The following FILIP1L variants were observed in gnomAD, a reference collection of about 807,000 sequenced individuals.
FILIP1L encodes the protein filamin A-interacting protein 1-like.
FILIP1L carries 55 observed loss-of-function variants against 96.6 expected under a neutral mutation model. That is an observed-to-expected ratio of 0.57 (90% CI 0.46 to 0.71). The LOEUF is 0.71. FILIP1L is among the 30% of genes least tolerant of loss of function. The pLI is 0.00. For synonymous variants in FILIP1L, 467 were observed against 473.9 expected, an observed-to-expected ratio of 0.99 and a Z score of 0.19; for missense variants, 1,304 against 1,321.2, an observed-to-expected ratio of 0.99 and a Z score of 0.20.
In FILIP1L at chr3:99,971,877, A is replaced by G. The variant is rs141448231; in HGVS notation, c.-10-40847T>C. On this transcript the variant is annotated intron_variant, in intron 1 of 5. Transcript: ENST00000477258. ...ATATAGATCATTCTAAAAAGCACCTATATACTCTTTTGGTAGGATTTGGTA... is the reference window on the plus strand; with the variant it reads ...ATATAGATCATTCTAAAAAGCACCTGTATACTCTTTTGGTAGGATTTGGTA... 2.7e-4 allele frequency among the ~76,000 whole-genome samples: 41 copies of G among 152,314 alleles called. 1 individual carries two copies. The East Asian group carries it at 5.2e-3, about 19-fold the overall frequency.
At chr3:100,014,353 T>C (rs1710256359) in intron 1 of FILIP1L, among the ~76,000 whole-genome samples, 1 of 152,160 alleles carries the variant, frequency 6.6e-6, no homozygotes, top group Non-Finnish European at 1.5e-5. Context: ...TTTGGCTATA[T>C]ACCCAAAAAT....
intron 4 of FILIP1L, among the ~76,000 whole-genome samples, chr3:99,881,408 A>G (rs1047454340): frequency 6.6e-6 from 1 of 152,218 alleles, no homozygotes; most frequent in Non-Finnish European, 1.5e-5. Flanking sequence ...AATCACAGAA[A>G]TTAGAGACGG....
chr3:100,070,072 G>A (rs955579132), intron 1 of FILIP1L, among the ~76,000 whole-genome samples: 34 of 152,136 alleles, frequency 2.2e-4, no homozygotes, highest in Non-Finnish European at 4.4e-5. Flanking sequence ...ATGTACACAT[G>A]GCACTGTCAT....
chr3:100,091,983 A>G (rs1174253863), intron 1 of FILIP1L, among the ~76,000 whole-genome samples: 2 of 152,230 alleles, frequency 1.3e-5, no homozygotes, highest in African/African-American at 4.8e-5. Context: ...TATCTGTCCT[A>G]GGGCAAGTTG....
intron 1 of FILIP1L, among the ~76,000 whole-genome samples, chr3:100,000,980 C>G (rs578018120): frequency 6.6e-6 from 1 of 152,134 alleles, no homozygotes; most frequent in African/African-American, 2.4e-5. Context: ...TATAAGATAA[C>G]CTAGTTACTG....
At chr3:100,064,415 A>G (rs1030417779) in intron 1 of FILIP1L, among the ~76,000 whole-genome samples, 3 of 150,486 alleles carry the variant, frequency 2.0e-5, no homozygotes, top group Admixed American at 1.3e-4. Context: ...TTTTTTCAAC[A>G]TTAAAGCCAC....
chr3:100,007,353 A>G (rs190654739), intron 1 of FILIP1L, among the ~76,000 whole-genome samples: 79 of 152,260 alleles, frequency 5.2e-4, no homozygotes, highest in Middle Eastern at 3.4e-3. Context: ...AGCTTTGATG[A>G]TGTGTCTGCC....
intron 4 of FILIP1L, among the ~76,000 whole-genome samples, chr3:99,917,250 A>G (rs964138177): frequency 1.3e-5 from 2 of 152,182 alleles, no homozygotes; most frequent in African/African-American, 4.8e-5. Context: ...CAGTGTTGCA[A>G]CAGTGGTGTC....
intron 1 of FILIP1L, among the ~76,000 whole-genome samples, chr3:100,024,172 T>TAAC (rs762088538): frequency 6.6e-6 from 1 of 152,158 alleles, no homozygotes; most frequent in Non-Finnish European, 1.5e-5. Flanking sequence ...TGGTTGTAAA[T>TAAC]AACAGCCATG....
chr3:99,950,405 TTAAG>T (rs907531617), intron 1 of FILIP1L, among the ~76,000 whole-genome samples: 3 of 152,176 alleles, frequency 2.0e-5, no homozygotes, highest in African/African-American at 7.2e-5. Flanking sequence ...CTTAGAAAAG[TTAAG>T]TAAGTTGCCC....
chr3:99,957,446 A>ATG (rs1165463181), intron 1 of FILIP1L, among the ~76,000 whole-genome samples: 3 of 152,144 alleles, frequency 2.0e-5, no homozygotes, highest in Non-Finnish European at 4.4e-5. Flanking sequence ...ATCTACACAT[A>ATG]TGTGTGTATA....
chr3:100,097,014 G>A (rs1300143207), intron 1 of FILIP1L, among the ~76,000 whole-genome samples: 24 of 152,146 alleles, frequency 1.6e-4, no homozygotes. Flanking sequence ...ATACCACTCT[G>A]TGGCCTGTTA....
At chr3:99,901,097 C>T (rs1316921670) in intron 4 of FILIP1L, among the ~76,000 whole-genome samples, 3 of 152,200 alleles carry the variant, frequency 2.0e-5, no homozygotes, top group Non-Finnish European at 4.4e-5. Flanking sequence ...AAACTGTATA[C>T]AACATTCTTT....
chr3:99,841,367 G>C (rs1208623076), intron 5 of FILIP1L, among the ~76,000 whole-genome samples: 1 of 152,196 alleles, frequency 6.6e-6, no homozygotes, highest in Admixed American at 6.5e-5. Flanking sequence ...GAAAAATAAT[G>C]TAGATAACCA....
At chr3:100,001,195 C>T (rs1197114292) in intron 1 of FILIP1L, among the ~76,000 whole-genome samples, 2 of 152,172 alleles carry the variant, frequency 1.3e-5, no homozygotes, top group Non-Finnish European at 2.9e-5. Context: ...CTCACTTTGT[C>T]TCAGTTCACC....
At chr3:100,047,250 GA>G (rs1489045514) in intron 1 of FILIP1L, among the ~76,000 whole-genome samples, 1 of 152,058 alleles carries the variant, frequency 6.6e-6, no homozygotes, top group Admixed American at 6.6e-5. Flanking sequence ...CTTCTTTTGA[GA>G]ACAATATATC....
At chr3:99,919,468 TTTTTG>T (rs1245999138) in intron 4 of FILIP1L, among the ~76,000 whole-genome samples, 2 of 150,556 alleles carry the variant, frequency 1.3e-5, no homozygotes, top group East Asian at 1.9e-4. Flanking sequence ...TCAATTATTG[TTTTTG>T]TTTTGTTTTG....
rs1943557553 is a variant in FILIP1L at position 99,849,609 on chromosome 3, T to C, written c.2067A>G (p.Leu689=). 6.2e-7 allele frequency: 1 copy of C among 1,613,374 alleles called. No homozygotes were observed. Among genetic ancestry groups the C allele is most frequent in the Admixed American group, 1.7e-5 (1 of 59,994 alleles). The change falls in exon 5 of 6, where the codon TTA becomes TTG. Residue 689 remains leucine, a synonymous_variant. Coordinates refer to ENST00000477258, the MANE Select transcript of FILIP1L (RefSeq NM_001387850.1). Reference sequence around the variant, plus strand: ...CATGGCTGGTCTCTGTCTTTTCTGCTAACTTGTACTTAGCAAGTTCCATTT... The same window carrying C: ...CATGGCTGGTCTCTGTCTTTTCTGCCAACTTGTACTTAGCAAGTTCCATTT... ...HVKMELAKYK[L]AEKTETSHEQ... is the part of the protein sequence containing the mutation.
chr3:99,833,087 G>A, intron 5 of FILIP1L: 1 of 694,324 alleles, frequency 1.4e-6, no homozygotes, highest in Non-Finnish European at 2.5e-6. Flanking sequence ...AGGCTCCTGG[G>A]TTTCATCAAA....
Sources: gnomAD v4.1 joint callset for allele counts (sites outside exome capture counted in the v4.1 genomes callset) on GRCh38, gnomAD v4.1.1 for gene constraint, MANE v1.5 for transcripts, NCBI Gene and HGNC (gene_info 2026-07-23, HGNC 2026-07-21) for gene names.